ACMSD: variants seen among roughly 807,000 people sequenced by gnomAD.
The protein encoded by ACMSD is aminocarboxymuconate semialdehyde decarboxylase.
Under a neutral mutation model 45.9 loss-of-function variants are expected in ACMSD, and 37 were observed. That is an observed-to-expected ratio of 0.81 (90% CI 0.62 to 1.06). The LOEUF (loss-of-function observed/expected upper bound fraction) is 1.06. Ranked by LOEUF, ACMSD falls within the 50% of genes least tolerant of loss-of-function variation. ACMSD has a pLI of 0.00. For missense variants in ACMSD, 434 were observed against 420.9 expected (o/e 1.03, Z -0.27); for synonymous variants, 138 against 148.8 (o/e 0.93, Z 0.53).
In ACMSD at chr2:134,862,009, T is replaced by A. The variant is rs760985297; in HGVS notation, c.240T>A (p.Phe80Leu). The change falls in exon 4 of 10, where the codon TTT (phenylalanine) becomes TTA (leucine). Residue 80 changes from phenylalanine (F) to leucine (L), a missense_variant. Coordinates refer to ENST00000356140, the MANE Select transcript of ACMSD (RefSeq NM_138326.3). ...CCCTTTCCACAGTTCCTGTCATGTT[T>A]AGCTACTGGGTGAGTGTGAAACCTC... Reference protein sequence around the residue: ...VQALSTVPVMFSYWAKPEDTL... With the variant: ...VQALSTVPVMLSYWAKPEDTL... 1 of 1,614,174 alleles carries A rather than the reference T, an allele frequency of 6.2e-7. No individual in the cohort carries two copies. Among genetic ancestry groups the A allele is most frequent in the Non-Finnish European group, 8.5e-7 (1 of 1,180,018 alleles).
At chr2:134,895,226 C>T (rs543082428) in intron 8 of ACMSD, among the ~76,000 whole-genome samples, 150 of 151,068 alleles carry the variant, frequency 9.9e-4, no homozygotes, top group African/African-American at 3.4e-3. Flanking sequence ...GAATAGCTTA[C>T]CAGGAGGTGG....
Position 134,885,314 on chromosome 2 carries a change from TATATA to T in ACMSD, c.849+12675_849+12679del, listed in dbSNP as rs1427383064. Among the ~76,000 whole-genome samples, 487 of 103,496 alleles carry T rather than the reference TATATA, an allele frequency of 4.7e-3. 7 individuals are homozygous for T. The highest frequency in any genetic ancestry group is 0.019 in the African/African-American group (465 of 23,880). The allele number at this position is 103,496 out of a possible 152,430, so 67.9% of individuals were successfully genotyped here. On this transcript the variant is annotated intron_variant, in intron 8 of 9. Coordinates refer to ENST00000356140, the MANE Select transcript of ACMSD (RefSeq NM_138326.3). Reference sequence around the variant, plus strand: ...ATTTATATATATATTTAAATATATATATATAAATATATATGTAAATATATATTTAT... The same window carrying T: ...ATTTATATATATATTTAAATATATATAATATATATGTAAATATATATTTAT...
intron 1 of ACMSD, 76 bp from the exon 2 acceptor site, chr2:134,845,157 T>C: frequency 1.3e-6 from 2 of 1,491,958 alleles, no homozygotes; most frequent in Non-Finnish European, 1.9e-6. Context: ...GCTCAGGATC[T>C]TCTGCACTTA....
chr2:134,897,926 T>C (rs1690263238), intron 8 of ACMSD, among the ~76,000 whole-genome samples: 1 of 151,154 alleles, frequency 6.6e-6, no homozygotes, highest in African/African-American at 2.4e-5. Context: ...TTGTTTTTTA[T>C]GTTTCCTTTC....
chr2:134,895,476 T>C (rs763681713), intron 8 of ACMSD, among the ~76,000 whole-genome samples: 4 of 151,506 alleles, frequency 2.6e-5, no homozygotes, highest in Admixed American at 6.6e-5. Flanking sequence ...ACCCCCCAAA[T>C]TGATCTACAG....
At chr2:134,885,332 A>T (rs1168074458) in intron 8 of ACMSD, among the ~76,000 whole-genome samples, 1 of 98,500 alleles carries the variant, frequency 1.0e-5, no homozygotes, top group African/African-American at 4.2e-5. Context: ...TATATATGTA[A>T]ATATATATTT....
intron 3 of ACMSD, among the ~76,000 whole-genome samples, chr2:134,860,553 C>T (rs943506299): frequency 2.0e-5 from 3 of 152,110 alleles, no homozygotes; most frequent in African/African-American, 7.2e-5. Flanking sequence ...CCTTCCTAAT[C>T]AAAGACAAAT....
At chr2:134,860,422 C>T (rs1687791737) in intron 3 of ACMSD, among the ~76,000 whole-genome samples, 1 of 152,120 alleles carries the variant, frequency 6.6e-6, no homozygotes, top group Non-Finnish European at 1.5e-5. Flanking sequence ...TGTCCATGGG[C>T]TGTGATGGGG....
intron 8 of ACMSD, among the ~76,000 whole-genome samples, chr2:134,891,295 T>G (rs540522527): frequency 6.6e-6 from 1 of 152,266 alleles, no homozygotes; most frequent in South Asian, 2.1e-4. Flanking sequence ...TTAACCCATC[T>G]TCAGTTGATT....
chr2:134,898,401 C>CTA lies in ACMSD; in HGVS notation c.911_912dup (p.Ile305Ter), dbSNP rs1690301439. On this transcript the variant is annotated frameshift_variant, in exon 9 of 10. Transcript: ENST00000356140. LOFTEE classifies it high-confidence loss of function. ...ACTAGGTGAGCTGGAACCTGGGAAA[C>CTA]TAATAGAGTCCATGGAAGAATTTGA... is the stretch of plus-strand genomic sequence containing the variant. 1 of 1,602,116 alleles carries CTA rather than the reference C, an allele frequency of 6.2e-7. No homozygotes were observed. The highest frequency in any genetic ancestry group is 8.5e-7 in the Non-Finnish European group (1 of 1,175,066).
At chr2:134,880,982 T>C (rs1055218601) in intron 8 of ACMSD, among the ~76,000 whole-genome samples, 2 of 152,188 alleles carry the variant, frequency 1.3e-5, no homozygotes, top group African/African-American at 4.8e-5. Flanking sequence ...AACCAAAATA[T>C]CTATTCATAT....
intron 2 of ACMSD, among the ~76,000 whole-genome samples, chr2:134,852,282 G>C (rs552113454): frequency 6.6e-6 from 1 of 152,258 alleles, no homozygotes; most frequent in African/African-American, 2.4e-5. Context: ...ATGGGGATTT[G>C]TAAGTTTACT....
intron 9 of ACMSD, 45 bp downstream of exon 9, chr2:134,898,484 C>T: frequency 1.4e-6 from 2 of 1,407,246 alleles, no homozygotes; most frequent in South Asian, 1.4e-5. Context: ...ACTTTTCCTG[C>T]TCTAATTGGG....
intron 1 of ACMSD, among the ~76,000 whole-genome samples, chr2:134,840,091 C>T (rs1258447213): frequency 1.4e-5 from 2 of 142,582 alleles, no homozygotes; most frequent in Non-Finnish European, 3.0e-5. Context: ...ATAGATTATA[C>T]TCCCTAATCT....
intron 9 of ACMSD, among the ~76,000 whole-genome samples, chr2:134,901,309 A>G (rs1436581875): frequency 6.6e-6 from 1 of 152,172 alleles, no homozygotes; most frequent in African/African-American, 2.4e-5. Context: ...ACGGATTTGT[A>G]CCCTCATCTG....
At chr2:134,876,252 A>T (rs912118677) in intron 8 of ACMSD, among the ~76,000 whole-genome samples, 3 of 152,118 alleles carry the variant, frequency 2.0e-5, no homozygotes, top group South Asian at 2.1e-4. Context: ...TTTTTTAAAA[A>T]TTTTCTTTCT....
intron 8 of ACMSD, among the ~76,000 whole-genome samples, chr2:134,885,317 A>AT (rs1206233961): frequency 1.5e-5 from 1 of 67,936 alleles, no homozygotes; most frequent in Non-Finnish European, 2.4e-5. Context: ...ATATATATAT[A>AT]TAAATATATA....
rs1293580382 is a variant in ACMSD, at chr2:134,885,361, C to CAT, written c.849+12727_849+12728dup. Among the ~76,000 whole-genome samples, 604 of 95,722 alleles carry CAT rather than the reference C, an allele frequency of 6.3e-3. 8 individuals carry two copies. Among genetic ancestry groups the CAT allele is most frequent in the African/African-American group, 0.019 (440 of 23,576 alleles). 62.8% of individuals were successfully genotyped at this position (95,722 alleles called of 152,430 possible). A position where few individuals can be genotyped will look rare whatever the true frequency, so the allele number is the denominator to read the frequency against. ...TATATTTATATATAATATATATTTA[C>CAT]ATATATATTATATATAATATATATG... On this transcript the variant is annotated intron_variant, in intron 8 of 9. Coordinates refer to ENST00000356140, the MANE Select transcript of ACMSD (RefSeq NM_138326.3).
At chr2:134,881,413 T>C (rs1418808396) in intron 8 of ACMSD, among the ~76,000 whole-genome samples, 1 of 152,214 alleles carries the variant, frequency 6.6e-6, no homozygotes, top group African/African-American at 2.4e-5. Flanking sequence ...CTGTCAGTTT[T>C]TACAACAATA....
Sources: gnomAD v4.1 joint callset for allele counts (sites outside exome capture counted in the v4.1 genomes callset) on GRCh38, gnomAD v4.1.1 for gene constraint, MANE v1.5 for transcripts, NCBI Gene and HGNC (gene_info 2026-07-23, HGNC 2026-07-21) for gene names.